The following DDX39A variants were observed in gnomAD, a reference collection of about 807,000 sequenced individuals.
The protein encoded by DDX39A is DExD-box helicase 39A.
A neutral mutation model predicts 46.3 loss-of-function variants in DDX39A; 13 were observed. The observed-to-expected ratio is 0.28, with a 90% CI of 0.18 to 0.45. The LOEUF (loss-of-function observed/expected upper bound fraction) is 0.45. Among genes scored for constraint, DDX39A ranks in the 20% least tolerant of loss-of-function variants. The pLI, the probability that DDX39A is intolerant of heterozygous loss-of-function variation, is 1.00. For synonymous variants in DDX39A, 234 were observed against 224.6 expected (o/e 1.04, Z -0.38); for missense variants, 352 against 581.8 (o/e 0.61, Z 4.06).
At position 14,410,083 on chromosome 19, in the gene DDX39A, G is replaced by A. The variant is rs1171051080; in HGVS notation, c.732+133C>T. 3 of 1,036,018 alleles carry A rather than the reference G, an allele frequency of 2.9e-6. No homozygotes were observed. Among genetic ancestry groups the A allele is most frequent in the Admixed American group, 1.7e-5 (1 of 57,640 alleles). The allele number at this position is 1,036,018 out of a possible 1,614,324, so 64.2% of individuals were successfully genotyped here. On this transcript the variant is annotated intron_variant, in intron 6 of 10. Coordinates refer to ENST00000242776, the MANE Select transcript of DDX39A (RefSeq NM_005804.4). The surrounding 1 kb of genome is among the most constrained non-coding windows in gnomAD (Gnocchi z 4.3). ...TTGACTCCCAGTTTGACAAGACCGA[G>A]GGGAGGAAAGGAGGCTCCGCCGGCT...
intron 1 of DDX39A, among the ~76,000 whole-genome samples, chr19:14,414,637 C>T (rs2146392489): frequency 6.7e-6 from 1 of 149,554 alleles, no homozygotes. Flanking sequence ...GTGTGAGCCA[C>T]CGCGCCTGGC....
chr19:14,412,651 A>G lies in DDX39A; in HGVS notation c.236T>C (p.Ile79Thr), dbSNP rs753225974. 6.2e-7 allele frequency: 1 copy of G among 1,608,808 alleles called. No homozygotes were observed. Among genetic ancestry groups the G allele is most frequent in the South Asian group, 1.1e-5 (1 of 91,054 alleles). Residue 79 changes from isoleucine to threonine, a missense_variant, in exon 3 of 11, where the codon ATC becomes ACC. By Grantham distance (89) the Ile-to-Thr change is moderately conservative. Transcript: ENST00000242776. This position sits in a 1 kb window ranked among gnomAD's most constrained non-coding sequence, Gnocchi z 4.4. ...CTGGCACAGGACGTCCATGCCCAGG[A>G]TGGCCTGGGGAATGCACTCATGCTG... The part of the protein sequence containing the change: ...EVQHECIPQA[I>T]LGMDVLCQAK...
chr19:14,409,187 G>A lies in DDX39A; in HGVS notation c.1120-3C>T. ...CCAAAGCGACCCGCCCGGGCCACCT[G>A]CAGGCAGACAGGATCAGGGTCAGGC... On this transcript the variant is annotated splice_region_variant and splice_polypyrimidine_tract_variant and intron_variant, in intron 9 of 10. Transcript: ENST00000242776. The surrounding 1 kb of genome is among the most constrained non-coding windows in gnomAD (Gnocchi z 8.3). The A allele has an allele frequency of 3.1e-6, 5 of 1,614,206 alleles. No homozygotes were observed. The highest frequency in any genetic ancestry group is 3.4e-6 in the Non-Finnish European group (4 of 1,180,036).
chr19:14,409,100 C>G lies in DDX39A; in HGVS notation c.1204G>C (p.Val402Leu). The stretch of plus-strand genomic sequence containing the variant: ...ACATTAACTTCAAACCGGTCCTGGA[C>G]GTCATTGAGGATTTTGGCATCATTC... ...DENDAKILND[V>L]QDRFEVNVAE... Residue 402 changes from valine to leucine, a missense_variant, in exon 10 of 11, where the codon GTC becomes CTC. By Grantham distance (32) the Val-to-Leu change is conservative. Around this residue, in one of 3 missense-constraint regions of DDX39A, gnomAD observed 301 missense variants for 469.9 expected, o/e 0.64. Transcript: ENST00000242776. The surrounding 1 kb of genome is among the most constrained non-coding windows in gnomAD (Gnocchi z 8.3). 1 of 1,614,206 alleles carries G rather than the reference C, an allele frequency of 6.2e-7. No individual in the cohort carries two copies. Among genetic ancestry groups the G allele is most frequent in the Non-Finnish European group, 8.5e-7 (1 of 1,180,034 alleles).
At position 14,409,710 on chromosome 19, in the gene DDX39A, T is replaced by C. The variant is rs780534617; in HGVS notation, c.864+32A>G. 5 of 1,613,146 alleles carry C rather than the reference T, an allele frequency of 3.1e-6. No homozygotes were observed. The South Asian group carries it at 4.4e-5, about 14-fold the overall frequency. On this transcript the variant is annotated intron_variant, in intron 7 of 10. Coordinates refer to ENST00000242776, the MANE Select transcript of DDX39A (RefSeq NM_005804.4). This position sits in a 1 kb window ranked among gnomAD's most constrained non-coding sequence, Gnocchi z 8.3. The stretch of plus-strand genomic sequence containing the variant: ...TGGCCCAGTGACCTCCCGAAGGTCC[T>C]GAGCCCCAGGACAGGCTGATGGAAG...
chr19:14,417,490 TGGGGGGA>T (rs1238003490), intron 1 of DDX39A, among the ~76,000 whole-genome samples: 2 of 70,054 alleles, frequency 2.9e-5, no homozygotes, highest in Non-Finnish European at 5.1e-5. Flanking sequence ...GCCGGGTGGG[TGGGGGGA>T]GGGGGGAGGG....
At chr19:14,415,000 C>T (rs1250361792) in intron 1 of DDX39A, among the ~76,000 whole-genome samples, 2 of 151,062 alleles carry the variant, frequency 1.3e-5, no homozygotes, top group Admixed American at 1.3e-4. Context: ...CAACTCACCA[C>T]TTAAGGCAGA....
In DDX39A at chr19:14,411,475, C is replaced by A; in HGVS notation, c.429+31G>T. ...TAACAAAGCTGCAGAAACCAAGTGGCGCCTGGTCCAGTCTGGCCCGAGGGA... is the reference window on the plus strand; with the variant it reads ...TAACAAAGCTGCAGAAACCAAGTGGAGCCTGGTCCAGTCTGGCCCGAGGGA... On this transcript the variant is annotated intron_variant, in intron 4 of 10. Coordinates refer to ENST00000242776, the MANE Select transcript of DDX39A (RefSeq NM_005804.4). The surrounding 1 kb of genome is among the most constrained non-coding windows in gnomAD (Gnocchi z 4.1). The A allele has an allele frequency of 6.3e-7, 1 of 1,588,604 alleles. No individual in the cohort carries two copies. The highest frequency in any genetic ancestry group is 8.6e-7 in the Non-Finnish European group (1 of 1,157,534).
chr19:14,413,330 C>T (rs1976671121), intron 1 of DDX39A, 106 bp from the exon 2 acceptor site: 2 of 1,044,766 alleles, frequency 1.9e-6, no homozygotes, highest in Non-Finnish European at 2.8e-6. Context: ...AGCCCATCAG[C>T]TCTACCTGGG....
Position 14,409,686 on chromosome 19 carries a change from G to A in DDX39A, c.865-41C>T. ...GCAGTCAGGGCCACACAGTCCCTGT[G>A]GCCCAGTGACCTCCCGAAGGTCCTG... On this transcript the variant is annotated intron_variant, in intron 7 of 10. Transcript: ENST00000242776. This position sits in a 1 kb window ranked among gnomAD's most constrained non-coding sequence, Gnocchi z 8.3. 6.2e-7 allele frequency: 1 copy of A among 1,611,310 alleles called. No individual in the cohort carries two copies. The highest frequency in any genetic ancestry group is 8.5e-7 in the Non-Finnish European group (1 of 1,177,962).
Position 14,411,460 on chromosome 19 carries a change from G to T in DDX39A, c.429+46C>A. Reference sequence around the variant, plus strand: ...GGCCAGAGCCGAGGCTAACAAAGCTGCAGAAACCAAGTGGCGCCTGGTCCA... The same window carrying T: ...GGCCAGAGCCGAGGCTAACAAAGCTTCAGAAACCAAGTGGCGCCTGGTCCA... On this transcript the variant is annotated intron_variant, in intron 4 of 10. Transcript: ENST00000242776. This position sits in a 1 kb window ranked among gnomAD's most constrained non-coding sequence, Gnocchi z 4.1. 1 of 1,555,244 alleles carries T rather than the reference G, an allele frequency of 6.4e-7. No homozygotes were observed. Among genetic ancestry groups the T allele is most frequent in the Non-Finnish European group, 8.9e-7 (1 of 1,127,462 alleles).
chr19:14,416,439 T>C (rs1180237791), intron 1 of DDX39A: 1 of 152,230 alleles, frequency 6.6e-6, no homozygotes, highest in South Asian at 2.1e-4. Flanking sequence ...TCCATAGCAA[T>C]GGCTGAATAA....
intron 1 of DDX39A, among the ~76,000 whole-genome samples, chr19:14,414,522 T>C (rs925866334): frequency 6.7e-6 from 1 of 149,810 alleles, no homozygotes; most frequent in Non-Finnish European, 1.5e-5. Context: ...AGCTAATTTT[T>C]GTAGTTTTCG....
chr19:14,415,688 C>T (rs1159388279), intron 1 of DDX39A, among the ~76,000 whole-genome samples: 1 of 152,072 alleles, frequency 6.6e-6, no homozygotes, highest in Non-Finnish European at 1.5e-5. Flanking sequence ...GTGCCATCAT[C>T]TCTTGCCTGA....
At position 14,419,162 on chromosome 19, in the gene DDX39A, G is replaced by A. The variant is rs375313074; in HGVS notation, c.-5+108C>T. The A allele has an allele frequency of 1.1e-4, 36 of 336,630 alleles. No homozygotes were observed. In the East Asian group the frequency reaches 2.3e-3, roughly 22 times the overall value. 20.9% of individuals were successfully genotyped at this position (336,630 alleles called of 1,614,324 possible). A position where few individuals can be genotyped will look rare whatever the true frequency, so the allele number is the denominator to read the frequency against. ...CCAACCGCCCCGCCCCCACCGTCTCGCGACCCTTTCTCCCCCTCCCCTTAG... is the reference window on the plus strand; with the variant it reads ...CCAACCGCCCCGCCCCCACCGTCTCACGACCCTTTCTCCCCCTCCCCTTAG... On this transcript the variant is annotated intron_variant, in intron 1 of 10. Transcript: ENST00000242776.
chr19:14,409,012 C>T lies in DDX39A; in HGVS notation c.1267+25G>A. On this transcript the variant is annotated intron_variant, in intron 10 of 10. Transcript: ENST00000242776. The surrounding 1 kb of genome is among the most constrained non-coding windows in gnomAD (Gnocchi z 8.3). ...GGGGGAGGAACCCTCTGCCCCAGAC[C>T]CCTGGCCCTGCCCAAGGCACTTACT... 1.2e-6 allele frequency: 2 copies of T among 1,614,014 alleles called. No homozygotes were observed. The highest frequency in any genetic ancestry group is 1.7e-6 in the Non-Finnish European group (2 of 1,179,954).
chr19:14,414,958 GAAAA>G (rs1353867124), intron 1 of DDX39A, among the ~76,000 whole-genome samples: 2 of 119,494 alleles, frequency 1.7e-5, no homozygotes, highest in African/African-American at 3.2e-5. Flanking sequence ...AAAAAAAAAA[GAAAA>G]GCTTCACAGA....
Position 14,411,672 on chromosome 19 carries a change from A to G in DDX39A, c.337-74T>C, listed in dbSNP as rs1976597521. ...CCCCTTCCCCACCAGAGTCCACCCA[A>G]CCCAGTCCCCCTGACACTGCACCCA... On this transcript the variant is annotated intron_variant, in intron 3 of 10. Coordinates refer to ENST00000242776, the MANE Select transcript of DDX39A (RefSeq NM_005804.4). This position sits in a 1 kb window ranked among gnomAD's most constrained non-coding sequence, Gnocchi z 4.1. 2 of 1,350,600 alleles carry G rather than the reference A, an allele frequency of 1.5e-6. No homozygotes were observed. The highest frequency in any genetic ancestry group is 2.1e-6 in the Non-Finnish European group (2 of 955,324). 83.7% of individuals were successfully genotyped at this position (1,350,600 alleles called of 1,614,324 possible).
In DDX39A at chr19:14,412,268, A is replaced by C; in HGVS notation, c.336+283T>G. 1 of 369,174 alleles carries C rather than the reference A, an allele frequency of 2.7e-6. No homozygotes were observed. 22.9% of individuals were successfully genotyped at this position (369,174 alleles called of 1,614,324 possible). On this transcript the variant is annotated intron_variant, in intron 3 of 10. Transcript: ENST00000242776. This position sits in a 1 kb window ranked among gnomAD's most constrained non-coding sequence, Gnocchi z 4.4. Reference sequence around the variant, plus strand: ...AAAACAGCAACGATGCCTCTGGGGCAAGGGGCAAACTGTGGGCACTTTCCA... The same window carrying C: ...AAAACAGCAACGATGCCTCTGGGGCCAGGGGCAAACTGTGGGCACTTTCCA...
Sources: gnomAD v4.1 joint callset for allele counts (sites outside exome capture counted in the v4.1 genomes callset) on GRCh38, gnomAD v4.1.1 for gene constraint, gnomAD v4.1.1 regional missense constraint, Gnocchi (gnomAD v3.1) non-coding constraint, MANE v1.5 for transcripts, NCBI Gene and HGNC (gene_info 2026-07-23, HGNC 2026-07-21) for gene names.